Variants in BTBD10 observed in about 807,000 individuals in gnomAD.
BTBD10 encodes BTB/POZ domain-containing protein 10.
BTBD10 carries 21 observed loss-of-function variants against 53.2 expected under a neutral mutation model. That is an observed-to-expected ratio of 0.39 (90% confidence interval 0.28 to 0.57). BTBD10 has a LOEUF of 0.57. Ranked by LOEUF, BTBD10 falls within the 20% of genes least tolerant of loss-of-function variation. BTBD10 has a pLI of 0.53. For missense variants in BTBD10, 360 were observed against 594.7 expected, an observed-to-expected ratio of 0.61 and a Z score of 4.10; for synonymous variants, 149 against 192.7, an observed-to-expected ratio of 0.77 and a Z score of 1.88.
In BTBD10 at chr11:13,427,526, C is replaced by T. The variant is rs993811132; in HGVS notation, c.102-5688G>A. Among the ~76,000 whole-genome samples the T allele has an allele frequency of 5.4e-4, 82 of 152,108 alleles. 1 individual carries two copies. The highest frequency in any genetic ancestry group is 2.0e-3 in the African/African-American group (81 of 41,426). Reference sequence around the variant, plus strand: ...GAGAACTAGACAATTCCACAATTATCATCAGAGATTTCATCACCTCTCTCA... The same window carrying T: ...GAGAACTAGACAATTCCACAATTATTATCAGAGATTTCATCACCTCTCTCA... On this transcript the variant is annotated intron_variant, in intron 2 of 8. Transcript: ENST00000278174.
intron 2 of BTBD10, 98 bp downstream of exon 2, chr11:13,444,926 A>G (rs942916135): frequency 1.5e-5 from 12 of 803,936 alleles, no homozygotes; most frequent in Non-Finnish European, 2.3e-5. Flanking sequence ...AACAGCCCCC[A>G]TTCTCTGACA....
intron 8 of BTBD10, among the ~76,000 whole-genome samples, chr11:13,393,466 G>A (rs562512801): frequency 1.1e-3 from 164 of 152,144 alleles, no homozygotes; most frequent in Non-Finnish European, 2.1e-3. Flanking sequence ...TGGCTAACTC[G>A]GAAATCTCAA....
chr11:13,457,003 GAT>G (rs745360896), intron 1 of BTBD10, among the ~76,000 whole-genome samples: 35 of 151,574 alleles, frequency 2.3e-4, no homozygotes, highest in Non-Finnish European at 4.6e-4. Context: ...TCTACTAAAA[GAT>G]ACAAAAATTA....
rs553903943 is a variant in BTBD10 at position 13,461,427 on chromosome 11, T to C, written c.-58+1665A>G. On this transcript the variant is annotated intron_variant, in intron 1 of 8. Coordinates refer to ENST00000278174, the MANE Select transcript of BTBD10 (RefSeq NM_032320.7). ...TCTCTCTGATAAGGCATAGTGCATTTCCCTCATTTTCATTATCTAACTAGT... is the reference window on the plus strand; with the variant it reads ...TCTCTCTGATAAGGCATAGTGCATTCCCCTCATTTTCATTATCTAACTAGT... Among the ~76,000 whole-genome samples, 46 of 152,320 alleles carry C rather than the reference T, an allele frequency of 3.0e-4. No homozygotes were observed. The South Asian group carries it at 8.9e-3, about 29-fold the overall frequency.
intron 2 of BTBD10, among the ~76,000 whole-genome samples, chr11:13,441,363 G>A (rs7937834): frequency 2.0e-5 from 3 of 151,936 alleles, no homozygotes; most frequent in East Asian, 1.9e-4. Context: ...ACTCTGATAC[G>A]ATCACTATAT....
chr11:13,424,179 C>T (rs1004621487), intron 2 of BTBD10, among the ~76,000 whole-genome samples: 6 of 152,128 alleles, frequency 3.9e-5, no homozygotes, highest in African/African-American at 1.4e-4. Context: ...TAAGAAAGCA[C>T]ATTATCTAAA....
At chr11:13,440,243 G>A (rs1950620495) in intron 2 of BTBD10, 1 of 1,269,592 alleles carries the variant, frequency 7.9e-7, no homozygotes, top group Non-Finnish European at 1.0e-6. Flanking sequence ...GCCGTGGGTT[G>A]TGCAGCACTG....
chr11:13,417,348 T>TTA, intron 4 of BTBD10, 88 bp from the exon 5 acceptor site: 1 of 886,762 alleles, frequency 1.1e-6, no homozygotes, highest in African/African-American at 1.7e-5. Context: ...AAAAAAGGAA[T>TTA]TATATCATTA....
chr11:13,398,982 C>T (rs1949638039), intron 8 of BTBD10, among the ~76,000 whole-genome samples: 2 of 152,260 alleles, frequency 1.3e-5, no homozygotes, highest in South Asian at 4.1e-4. Flanking sequence ...AACATTTTTT[C>T]CTTCATTTCA....
rs199960942 is a variant in BTBD10, at chr11:13,459,058, A to AT, written c.-58+4033dup. Among the ~76,000 whole-genome samples the AT allele has an allele frequency of 3.9e-3, 532 of 135,320 alleles. 7 individuals carry two copies. Among genetic ancestry groups the AT allele is most frequent in the Admixed American group, 4.2e-3 (54 of 12,888 alleles). 88.8% of individuals were successfully genotyped at this position (135,320 alleles called of 152,430 possible). A position where few individuals can be genotyped will look rare whatever the true frequency, so the allele number is the denominator to read the frequency against. Reference sequence around the variant, plus strand: ...TATTTATTTATTTTTTTATTTATTTATTTTTTTTTTTTTTTTGAGACGGAG... The same window carrying AT: ...TATTTATTTATTTTTTTATTTATTTATTTTTTTTTTTTTTTTTGAGACGGAG... On this transcript the variant is annotated intron_variant, in intron 1 of 8. Transcript: ENST00000278174.
In BTBD10 at chr11:13,416,082, T is replaced by C. The variant is rs575834443; in HGVS notation, c.687+1076A>G. ...AAACAAAGACGTCAGCTGGGCACAG[T>C]GGCTCACACCTGTAATTCTAGCACT... On this transcript the variant is annotated intron_variant, in intron 5 of 8. Transcript: ENST00000278174. 2.6e-5 allele frequency among the ~76,000 whole-genome samples: 4 copies of C among 151,788 alleles called. No individual in the cohort carries two copies. In the East Asian group the frequency reaches 5.8e-4, roughly 22 times the overall value.
chr11:13,416,811 T>A (rs1022212081), intron 5 of BTBD10, among the ~76,000 whole-genome samples: 1 of 151,950 alleles, frequency 6.6e-6, no homozygotes, highest in African/African-American at 2.4e-5. Flanking sequence ...ACCTCGTCTC[T>A]ATAAAAAATG....
chr11:13,440,122 T>G, intron 2 of BTBD10: 1 of 1,513,042 alleles, frequency 6.6e-7, no homozygotes, highest in South Asian at 1.2e-5. Flanking sequence ...TCCTTTAGCT[T>G]CCTCCCTCTA....
chr11:13,459,301 G>A (rs903327319), intron 1 of BTBD10, among the ~76,000 whole-genome samples: 2 of 151,700 alleles, frequency 1.3e-5, no homozygotes, highest in African/African-American at 2.4e-5. Flanking sequence ...CTCGTGATCC[G>A]CCCGCCTCGG....
chr11:13,411,154 G>A (rs1167626449), intron 6 of BTBD10, among the ~76,000 whole-genome samples: 1 of 152,266 alleles, frequency 6.6e-6, no homozygotes, highest in Non-Finnish European at 1.5e-5. Flanking sequence ...CAAACATTTT[G>A]TTGAGTCCTT....
At position 13,389,022 on chromosome 11, in the gene BTBD10, G is replaced by T. The variant is rs1313324379; in HGVS notation, c.1237C>A (p.Arg413=). 1.9e-6 allele frequency: 3 copies of T among 1,613,898 alleles called. No individual in the cohort carries two copies. Among genetic ancestry groups the T allele is most frequent in the African/African-American group, 2.7e-5 (2 of 74,920 alleles). The change falls in exon 9 of 9, where the codon CGG becomes AGG. Residue 413 remains arginine (R), a synonymous_variant. Transcript: ENST00000278174. ...TTTACACACTGAAAGTCTACATGCC[G>T]ACTCTTTCCTTCTTCCTTCTCCCAG... ...MSWEKEEGKS[R]HVDFQCVKSK...
chr11:13,431,890 G>A (rs1036527008), intron 2 of BTBD10, among the ~76,000 whole-genome samples: 24 of 151,924 alleles, frequency 1.6e-4, no homozygotes, highest in Non-Finnish European at 3.2e-4. Context: ...TCCTACAAGG[G>A]GAAAAAGTTT....
At chr11:13,434,734 C>A (rs533975271) in intron 2 of BTBD10, among the ~76,000 whole-genome samples, 81 of 152,328 alleles carry the variant, frequency 5.3e-4, no homozygotes, top group African/African-American at 1.8e-3. Flanking sequence ...AACCAGGAGA[C>A]CATTTCAGAT....
chr11:13,457,475 C>CA (rs1337911686), intron 1 of BTBD10, among the ~76,000 whole-genome samples: 2 of 152,070 alleles, frequency 1.3e-5, no homozygotes, highest in East Asian at 3.9e-4. Context: ...ACAGCAACAG[C>CA]AAAAAACAGG....
Sources: allele counts gnomAD v4.1 joint callset (sites outside exome capture counted in the v4.1 genomes callset), GRCh38; gene constraint gnomAD v4.1.1; transcripts MANE v1.5; gene names NCBI Gene and HGNC (gene_info 2026-07-23, HGNC 2026-07-21).